Variants in CAPN13 observed in about 807,000 individuals in gnomAD.
CAPN13 encodes the protein calpain-13.
A neutral mutation model predicts 98.4 loss-of-function variants in CAPN13; 90 were observed. The ratio of observed to expected loss-of-function variants is 0.92; its 90% CI spans 0.77 to 1.09. CAPN13 has a LOEUF of 1.09. CAPN13 is among the 50% of genes least tolerant of loss of function. CAPN13 has a pLI of 0.00. For synonymous variants in CAPN13, 330 were observed against 305.5 expected (o/e 1.08, Z -0.84); for missense variants, 887 against 841.3 (o/e 1.05, Z -0.67).
chr2:30,783,902 T>G (rs6711113), intron 2 of CAPN13, among the ~76,000 whole-genome samples: 1 of 151,898 alleles, frequency 6.6e-6, no homozygotes, highest in South Asian at 2.1e-4. Flanking sequence ...AACATGAGGC[T>G]GGGTGTGGTG....
At position 30,759,071 on chromosome 2, in the gene CAPN13, C is replaced by CTTCCT. The variant is rs1213995874; in HGVS notation, c.775-935_775-934insAGGAA. 5.3e-5 allele frequency among the ~76,000 whole-genome samples: 2 copies of CTTCCT among 38,016 alleles called. 1 individual carries two copies. The highest frequency in any genetic ancestry group is 1.8e-3 in the East Asian group (2 of 1,132). The allele number at this position is 38,016 out of a possible 152,430, so 24.9% of individuals were successfully genotyped here. ...CCTTCCTTCCCTCCCTCCCTCCCTC[C>CTTCCT]TCCCTCCCTTCCTCTCTGCCTCCCT... On this transcript the variant is annotated intron_variant, in intron 7 of 22. Coordinates refer to ENST00000295055, the MANE Select transcript of CAPN13 (RefSeq NM_144575.3).
At chr2:30,800,098 GAAAGAAAGA>G (rs1319698444) in intron 1 of CAPN13, among the ~76,000 whole-genome samples, 10 of 100,568 alleles carry the variant, frequency 9.9e-5, no homozygotes, top group African/African-American at 3.0e-4. Context: ...AGAAAGAAAA[GAAAGAAAGA>G]AAAGAAAGAA....
At chr2:30,768,114 T>C (rs1447257954) in intron 5 of CAPN13, among the ~76,000 whole-genome samples, 1 of 152,218 alleles carries the variant, frequency 6.6e-6, no homozygotes, top group Non-Finnish European at 1.5e-5. Flanking sequence ...CCCTTCACGG[T>C]GCCTGCCTCA....
At chr2:30,749,071 T>G (rs1018995410) in intron 11 of CAPN13, among the ~76,000 whole-genome samples, 28 of 152,178 alleles carry the variant, frequency 1.8e-4, no homozygotes, top group African/African-American at 6.8e-4. Context: ...GTCATTCCTC[T>G]CTGAGCTTTA....
chr2:30,785,380 G>C (rs10495781), intron 2 of CAPN13, among the ~76,000 whole-genome samples: 16,658 of 152,160 alleles, frequency 0.11, 2,809 homozygotes, highest in African/African-American at 0.37. Flanking sequence ...CTACACAAAG[G>C]TAAGTCTTGT....
intron 5 of CAPN13, among the ~76,000 whole-genome samples, chr2:30,768,099 C>T (rs930865554): frequency 1.3e-5 from 2 of 152,222 alleles, no homozygotes; most frequent in African/African-American, 4.8e-5. Context: ...TGGCACTTCC[C>T]TTGCCCCTTC....
intron 18 of CAPN13, among the ~76,000 whole-genome samples, chr2:30,735,398 C>T (rs1176917131): frequency 2.6e-5 from 4 of 152,218 alleles, no homozygotes; most frequent in Admixed American, 1.3e-4. Context: ...CCATGGGAGA[C>T]AACTGTTGCA....
chr2:30,726,361 G>A (rs1031561374), intron 22 of CAPN13, among the ~76,000 whole-genome samples: 1 of 152,076 alleles, frequency 6.6e-6, no homozygotes, highest in Non-Finnish European at 1.5e-5. Flanking sequence ...ACTTCTATTC[G>A]GCATTGTATT....
At chr2:30,768,025 A>G (rs955237076) in intron 5 of CAPN13, among the ~76,000 whole-genome samples, 1 of 151,892 alleles carries the variant, frequency 6.6e-6, no homozygotes, top group Non-Finnish European at 1.5e-5. Context: ...GATGCTCTCC[A>G]CTCATTTTCT....
chr2:30,761,307 G>A (rs970412581), intron 7 of CAPN13, among the ~76,000 whole-genome samples: 1 of 152,192 alleles, frequency 6.6e-6, no homozygotes, highest in Admixed American at 6.5e-5. Context: ...TAGACCACTC[G>A]GTATATTATT....
chr2:30,781,132 C>G (rs1005771791), intron 2 of CAPN13, among the ~76,000 whole-genome samples: 2 of 152,230 alleles, frequency 1.3e-5, no homozygotes, highest in Non-Finnish European at 1.5e-5. Flanking sequence ...CACATAGCTT[C>G]TCAGGGGATT....
chr2:30,723,545 G>A (rs1422386522), intron 22 of CAPN13, among the ~76,000 whole-genome samples: 1 of 152,016 alleles, frequency 6.6e-6, no homozygotes, highest in African/African-American at 2.4e-5. Flanking sequence ...TGGAGTGGAG[G>A]GAAACTTGGG....
At chr2:30,733,724 G>A (rs187867552) in intron 19 of CAPN13, among the ~76,000 whole-genome samples, 7 of 152,302 alleles carry the variant, frequency 4.6e-5, no homozygotes, top group Non-Finnish European at 8.8e-5. Flanking sequence ...CTCCAGGCCA[G>A]GATCCACAGA....
intron 7 of CAPN13, among the ~76,000 whole-genome samples, chr2:30,758,815 T>TC (rs1672623152): frequency 1.3e-5 from 1 of 75,484 alleles, no homozygotes; most frequent in South Asian, 5.7e-4. Context: ...TCCCTTCCCT[T>TC]CCTCCCTTCC....
At chr2:30,743,233 T>A in intron 13 of CAPN13, 150 bp downstream of exon 13, 2 of 730,662 alleles carry the variant, frequency 2.7e-6, no homozygotes, top group East Asian at 4.9e-5. Context: ...TCCCCCTTTA[T>A]GGTGAGCTGC....
chr2:30,765,195 A>C (rs916234880), intron 5 of CAPN13, among the ~76,000 whole-genome samples: 16 of 152,128 alleles, frequency 1.1e-4, no homozygotes, highest in African/African-American at 3.9e-4. Context: ...GGACAGTTAG[A>C]TTTGTTTTGA....
chr2:30,769,386 C>G (rs1673273833), intron 5 of CAPN13, among the ~76,000 whole-genome samples: 1 of 152,150 alleles, frequency 6.6e-6, no homozygotes, highest in South Asian at 2.1e-4. Context: ...CATTCTCCAG[C>G]TTTTGCAGTC....
intron 11 of CAPN13, chr2:30,746,384 TA>T (rs1300609072): frequency 6.5e-6 from 1 of 153,660 alleles, no homozygotes; most frequent in Non-Finnish European, 1.4e-5. Flanking sequence ...AACAGACACA[TA>T]AAGCTGTAAG....
chr2:30,745,325 T>G, intron 12 of CAPN13: 3 of 487,258 alleles, frequency 6.2e-6, no homozygotes. Flanking sequence ...GAAGCTGCAT[T>G]TGGAGAGCAT....
Sources: allele counts gnomAD v4.1 joint callset (sites outside exome capture counted in the v4.1 genomes callset), GRCh38; gene constraint gnomAD v4.1.1; transcripts MANE v1.5; gene names NCBI Gene and HGNC (gene_info 2026-07-23, HGNC 2026-07-21).